The following SLCO6A1 variants were observed in gnomAD, a reference collection of about 807,000 sequenced individuals.
SLCO6A1 encodes the protein solute carrier organic anion transporter family member 6A1.
In SLCO6A1, 65 loss-of-function variants were observed where a neutral mutation model predicts 72.7. The ratio of observed to expected loss-of-function variants is 0.89; its 90% CI spans 0.73 to 1.10. SLCO6A1 has a LOEUF of 1.10. Among genes scored for constraint, SLCO6A1 ranks in the 50% least tolerant of loss-of-function variants. The pLI is 0.00. For synonymous variants in SLCO6A1, 314 were observed against 298.2 expected (o/e 1.05, Z -0.55); for missense variants, 874 against 872.6 (o/e 1.00, Z -0.02).
chr5:102,401,255 A>G (rs1747383939), intron 9 of SLCO6A1, among the ~76,000 whole-genome samples: 1 of 152,140 alleles, frequency 6.6e-6, no homozygotes, highest in Non-Finnish European at 1.5e-5. Context: ...GAAAAACAAG[A>G]ACAGAATATG....
intron 4 of SLCO6A1, among the ~76,000 whole-genome samples, chr5:102,464,297 A>G (rs1442170938): frequency 6.6e-6 from 1 of 152,192 alleles, no homozygotes; most frequent in East Asian, 1.9e-4. Context: ...TCTATAATAT[A>G]CCATATACAA....
At chr5:102,385,386 A>G (rs1746356647) in intron 12 of SLCO6A1, among the ~76,000 whole-genome samples, 1 of 152,166 alleles carries the variant, frequency 6.6e-6, no homozygotes, top group Non-Finnish European at 1.5e-5. Flanking sequence ...TTCTTTAAAT[A>G]AGCTTTCTAC....
chr5:102,498,414 T>C (rs1580538816), intron 1 of SLCO6A1, 73 bp downstream of exon 1: 1 of 1,441,166 alleles, frequency 6.9e-7, no homozygotes, highest in East Asian at 2.3e-5. Flanking sequence ...TCCTCCGCCA[T>C]ACTCCCTCTC....
chr5:102,442,742 T>C (rs1232504210), intron 6 of SLCO6A1, among the ~76,000 whole-genome samples: 3 of 152,198 alleles, frequency 2.0e-5, no homozygotes, highest in African/African-American at 7.2e-5. Context: ...ACTTTCTCAG[T>C]AGCTAAACAA....
At chr5:102,439,091 A>C (rs375946842) in intron 6 of SLCO6A1, among the ~76,000 whole-genome samples, 1 of 151,976 alleles carries the variant, frequency 6.6e-6, no homozygotes, top group South Asian at 2.1e-4. Flanking sequence ...ATTATTAACC[A>C]TATATCTAGA....
At chr5:102,382,452 T>C (rs1335838198) in intron 12 of SLCO6A1, among the ~76,000 whole-genome samples, 3 of 151,468 alleles carry the variant, frequency 2.0e-5, no homozygotes, top group Admixed American at 1.3e-4. Flanking sequence ...AAAGATTGTA[T>C]TGGCCATTGA....
At chr5:102,437,605 A>T (rs1749612608) in intron 7 of SLCO6A1, among the ~76,000 whole-genome samples, 1 of 152,150 alleles carries the variant, frequency 6.6e-6, no homozygotes, top group Non-Finnish European at 1.5e-5. Flanking sequence ...CATTATGGCC[A>T]TTGAAAGCTG....
At chr5:102,451,435 C>T (rs1220979653) in intron 6 of SLCO6A1, among the ~76,000 whole-genome samples, 1 of 152,170 alleles carries the variant, frequency 6.6e-6, no homozygotes, top group East Asian at 1.9e-4. Context: ...AGAACCTGGC[C>T]TCCTTTATTG....
chr5:102,402,798 A>T (rs1747470940), intron 9 of SLCO6A1, among the ~76,000 whole-genome samples: 1 of 152,230 alleles, frequency 6.6e-6, no homozygotes, highest in African/African-American at 2.4e-5. Context: ...CAATGACATT[A>T]CATTTCAATG....
intron 2 of SLCO6A1, among the ~76,000 whole-genome samples, chr5:102,479,840 A>G (rs1752097582): frequency 6.6e-6 from 1 of 152,188 alleles, no homozygotes; most frequent in Admixed American, 6.5e-5. Flanking sequence ...ATAATAAAAA[A>G]TGCCCCTAAT....
At chr5:102,492,362 C>CCT (rs1489034863) in intron 1 of SLCO6A1, among the ~76,000 whole-genome samples, 1 of 152,180 alleles carries the variant, frequency 6.6e-6, no homozygotes, top group African/African-American at 2.4e-5. Context: ...TCTTTGATGA[C>CCT]CTCCTCAGTA....
chr5:102,420,252 G>A (rs1223257702), intron 7 of SLCO6A1, among the ~76,000 whole-genome samples: 1 of 152,192 alleles, frequency 6.6e-6, no homozygotes, highest in Non-Finnish European at 1.5e-5. Flanking sequence ...GGGCAGTGAT[G>A]GTGAAGTTTT....
At chr5:102,459,573 TA>T in intron 5 of SLCO6A1, 82 bp downstream of exon 5, 1 of 1,393,142 alleles carries the variant, frequency 7.2e-7, no homozygotes, top group South Asian at 1.6e-5. Context: ...ATTAAAAATG[TA>T]ATACAGTCAT....
chr5:102,470,620 T>C (rs1329651062), intron 4 of SLCO6A1, among the ~76,000 whole-genome samples: 1 of 152,010 alleles, frequency 6.6e-6, no homozygotes, highest in Non-Finnish European at 1.5e-5. Flanking sequence ...CTGGATTCAT[T>C]GATTTTTTGA....
chr5:102,495,374 A>C (rs1264156999), intron 1 of SLCO6A1, among the ~76,000 whole-genome samples: 1 of 152,192 alleles, frequency 6.6e-6, no homozygotes, highest in Non-Finnish European at 1.5e-5. Flanking sequence ...TGGGCGGATC[A>C]CCAGAAGTCA....
chr5:102,456,670 A>C (rs10479221), intron 6 of SLCO6A1, among the ~76,000 whole-genome samples: 32,448 of 152,006 alleles, frequency 0.21, 4,488 homozygotes, highest in Non-Finnish European at 0.28. Flanking sequence ...GAAAATGGCC[A>C]TACTGCCCAA....
At chr5:102,495,921 G>A (rs11242471) in intron 1 of SLCO6A1, among the ~76,000 whole-genome samples, 46,504 of 152,024 alleles carry the variant, frequency 0.31, 7,848 homozygotes, top group East Asian at 0.54. Flanking sequence ...GAAAGTATGA[G>A]GAAGTGTTCC....
intron 7 of SLCO6A1, 78 bp downstream of exon 7, chr5:102,438,539 T>A (rs1749666789): frequency 8.6e-7 from 1 of 1,160,638 alleles, no homozygotes; most frequent in African/African-American, 1.6e-5. Context: ...TATATTTTTA[T>A]TTATTTCAAG....
At chr5:102,426,689 A>T (rs1205464847) in intron 7 of SLCO6A1, among the ~76,000 whole-genome samples, 1 of 152,212 alleles carries the variant, frequency 6.6e-6, no homozygotes, top group African/African-American at 2.4e-5. Context: ...AATTAGTTCA[A>T]TCATTGCGGA....
Sources: gnomAD v4.1 joint callset for allele counts (sites outside exome capture counted in the v4.1 genomes callset) on GRCh38, gnomAD v4.1.1 for gene constraint, MANE v1.5 for transcripts, NCBI Gene and HGNC (gene_info 2026-07-23, HGNC 2026-07-21) for gene names.